The following NR1H2 variants were observed in gnomAD, a reference collection of about 807,000 sequenced individuals.
NR1H2 encodes oxysterols receptor LXR-beta.
NR1H2 carries 33 observed loss-of-function variants against 51.2 expected under a neutral mutation model. That is an observed-to-expected ratio of 0.64 (90% CI 0.49 to 0.86). NR1H2 has a LOEUF of 0.86. Ranked by LOEUF, NR1H2 falls within the 40% of genes least tolerant of loss-of-function variation. The pLI, the probability that NR1H2 is intolerant of heterozygous loss-of-function variation, is 0.00. For synonymous variants in NR1H2, 310 were observed against 264.3 expected, an observed-to-expected ratio of 1.17 and a Z score of -1.68; for missense variants, 592 against 639.9, an observed-to-expected ratio of 0.93 and a Z score of 0.81.
In NR1H2 at chr19:50,379,547, G is replaced by C. The variant is rs369361553; in HGVS notation, c.928-233G>C. On this transcript the variant is annotated intron_variant, in intron 7 of 9. Coordinates refer to ENST00000253727, the MANE Select transcript of NR1H2 (RefSeq NM_007121.7). ...CGTGCCCCAAACCTTGTGCTCACCT[G>C]GGGAAAGAGTATCCTAAGGAGATGG... is the stretch of plus-strand genomic sequence containing the variant. 5.1e-4 allele frequency among the ~76,000 whole-genome samples: 78 copies of C among 152,312 alleles called. 2 individuals are homozygous for C. The South Asian group carries it at 0.015, about 30-fold the overall frequency.
chr19:50,377,361 C>T (rs2037683418), intron 2 of NR1H2: 1 of 468,272 alleles, frequency 2.1e-6, no homozygotes, highest in South Asian at 3.7e-5. Flanking sequence ...GGGCCTACAG[C>T]AGGGGCGGGG....
At position 50,378,991 on chromosome 19, in the gene NR1H2, C is replaced by G. The variant is rs1310153408; in HGVS notation, c.748-11C>G. On this transcript the variant is annotated splice_polypyrimidine_tract_variant and intron_variant, in intron 6 of 9. Coordinates refer to ENST00000253727, the MANE Select transcript of NR1H2 (RefSeq NM_007121.7). ...AAGACCTGGGAGTGACCCTGGTCTCCTGTGTCCCAGCCCTGGCCCCTGGGC... is the reference window on the plus strand; with the variant it reads ...AAGACCTGGGAGTGACCCTGGTCTCGTGTGTCCCAGCCCTGGCCCCTGGGC... 3 of 1,600,516 alleles carry G rather than the reference C, an allele frequency of 1.9e-6. No homozygotes were observed. The highest frequency in any genetic ancestry group is 2.6e-6 in the Non-Finnish European group (3 of 1,173,912).
intron 8 of NR1H2, 25 bp from the exon 9 acceptor site, chr19:50,381,919 GCACGGTTTCGGGCTGAGGGAGT>G (rs2037772018): frequency 6.8e-7 from 1 of 1,481,088 alleles, no homozygotes; most frequent in African/African-American, 1.4e-5. Context: ...AGGATGTGGG[GCACGGTTTCGGGCTGAGGGAGT>G]CACGGGCTGC....
chr19:50,378,930 T>A, intron 6 of NR1H2, 72 bp from the exon 7 acceptor site: 1 of 1,553,190 alleles, frequency 6.4e-7, no homozygotes, highest in Middle Eastern at 1.8e-4. Context: ...GGGTGCAGGC[T>A]TGGCCTCAAG....
chr19:50,378,804 C>T lies in NR1H2; in HGVS notation c.747+8C>T, dbSNP rs201070800. On this transcript the variant is annotated splice_region_variant and intron_variant, in intron 6 of 9. Transcript: ENST00000253727. ...GACCAGCCCAAAGTCACGGTACTGC[C>T]CCCTCCACAACCTTGAGTGTGACGG... 14 of 1,606,392 alleles carry T rather than the reference C, an allele frequency of 8.7e-6. No homozygotes were observed. Among genetic ancestry groups the T allele is most frequent in the African/African-American group, 7.1e-5 (5 of 70,278 alleles).
intron 8 of NR1H2, among the ~76,000 whole-genome samples, 194 bp downstream of exon 8, chr19:50,380,073 C>T (rs2037741456): frequency 6.6e-6 from 1 of 152,212 alleles, no homozygotes; most frequent in Admixed American, 6.5e-5. Context: ...CCACTCGAGG[C>T]TGAGGAGGGC....
At position 50,378,512 on chromosome 19, in the gene NR1H2, C is replaced by A. The variant is rs759338336; in HGVS notation, c.473-10C>A. 3 of 1,597,748 alleles carry A rather than the reference C, an allele frequency of 1.9e-6. No homozygotes were observed. Among genetic ancestry groups the A allele is most frequent in the Admixed American group, 1.7e-5 (1 of 59,178 alleles). The stretch of plus-strand genomic sequence containing the variant: ...CCTGGGGTTCTGCTGAGGCCTGCAT[C>A]CCCCTACAGGCGTCCTTTCTGAAGA... On this transcript the variant is annotated splice_polypyrimidine_tract_variant and intron_variant, in intron 5 of 9. Transcript: ENST00000253727.
chr19:50,382,179 G>A lies in NR1H2; in HGVS notation c.1236+5G>A. The A allele has an allele frequency of 6.6e-7, 1 of 1,524,460 alleles. No individual in the cohort carries two copies. The highest frequency in any genetic ancestry group is 8.8e-7 in the Non-Finnish European group (1 of 1,139,898). 94.4% of individuals were successfully genotyped at this position (1,524,460 alleles called of 1,614,324 possible). A position where few individuals can be genotyped will look rare whatever the true frequency, so the allele number is the denominator to read the frequency against. Reference sequence around the variant, plus strand: ...ACGCGCATCAAGAGGCCGCAGGTAGGGCCCCGCAGAGCCTCTGCGCAGAGC... The same window carrying A: ...ACGCGCATCAAGAGGCCGCAGGTAGAGCCCCGCAGAGCCTCTGCGCAGAGC... On this transcript the variant is annotated splice_donor_5th_base_variant and intron_variant, in intron 9 of 9. Coordinates refer to ENST00000253727, the MANE Select transcript of NR1H2 (RefSeq NM_007121.7).
rs377206586 is a variant in NR1H2 at position 50,378,451 on chromosome 19, G to A, written c.472+12G>A. On this transcript the variant is annotated intron_variant, in intron 5 of 9. Transcript: ENST00000253727. ...GATGAGGGAGCAGTGTGAGTGCAGC[G>A]GGAGGGGGCGGTGCCGGCCTGGCCC... 92 of 1,583,354 alleles carry A rather than the reference G, an allele frequency of 5.8e-5. No homozygotes were observed. The highest frequency in any genetic ancestry group is 2.8e-4 in the African/African-American group (21 of 74,568).
intron 5 of NR1H2, 37 bp downstream of exon 5, chr19:50,378,476 C>G (rs2037707257): frequency 1.9e-6 from 3 of 1,575,426 alleles, no homozygotes; most frequent in Non-Finnish European, 2.6e-6. Flanking sequence ...CGGCCTGGCC[C>G]CCCGCCTAGC....
intron 8 of NR1H2, among the ~76,000 whole-genome samples, chr19:50,380,979 C>A (rs142926831): frequency 7.9e-4 from 121 of 152,324 alleles, no homozygotes; most frequent in Admixed American, 4.9e-3. Flanking sequence ...CCGCGGCTCC[C>A]GTCTCACTGG....
In NR1H2 at chr19:50,378,482, C is replaced by A. The variant is rs371711901; in HGVS notation, c.473-40C>A. 2.5e-6 allele frequency: 4 copies of A among 1,581,328 alleles called. No homozygotes were observed. The East Asian group carries it at 9.0e-5, about 36-fold the overall frequency. ...GGGCGGTGCCGGCCTGGCCCCCCGCCTAGCCCTGGGGTTCTGCTGAGGCCT... is the reference window on the plus strand; with the variant it reads ...GGGCGGTGCCGGCCTGGCCCCCCGCATAGCCCTGGGGTTCTGCTGAGGCCT... On this transcript the variant is annotated intron_variant, in intron 5 of 9. Coordinates refer to ENST00000253727, the MANE Select transcript of NR1H2 (RefSeq NM_007121.7).
rs114718888 is a variant in NR1H2, at chr19:50,379,766, G to A, written c.928-14G>A. 1,097 of 1,588,912 alleles carry A rather than the reference G, an allele frequency of 6.9e-4. 9 individuals are homozygous for A. In the African/African-American group the frequency reaches 0.013, roughly 19 times the overall value. On this transcript the variant is annotated splice_polypyrimidine_tract_variant and intron_variant, in intron 7 of 9. Coordinates refer to ENST00000253727, the MANE Select transcript of NR1H2 (RefSeq NM_007121.7). The stretch of plus-strand genomic sequence containing the variant: ...TCACAGGGCTCAAGCTCCCCCTCCC[G>A]CTGCCGCCCTTAGATCATGCTGCTA...
intron 4 of NR1H2, 76 bp downstream of exon 4, chr19:50,377,946 T>A: frequency 6.8e-7 from 1 of 1,478,618 alleles, no homozygotes; most frequent in East Asian, 2.3e-5. Flanking sequence ...GAAATGGGAA[T>A]GGGAGGCCCT....
At chr19:50,376,610 G>C (rs1328323112) in intron 1 of NR1H2, 34 bp downstream of exon 1, 3 of 152,308 alleles carry the variant, frequency 2.0e-5, no homozygotes, top group African/African-American at 7.2e-5. Context: ...GACGCAGGAG[G>C]AGCCCCGAAC....
chr19:50,379,695 T>G, intron 7 of NR1H2, 85 bp from the exon 8 acceptor site: 1 of 822,886 alleles, frequency 1.2e-6, no homozygotes, highest in Non-Finnish European at 2.1e-6. Flanking sequence ...CTGGTGAGAT[T>G]AGACCCCCAT....
chr19:50,380,167 A>C (rs1157801843), intron 8 of NR1H2, among the ~76,000 whole-genome samples: 1 of 152,092 alleles, frequency 6.6e-6, no homozygotes, highest in East Asian at 1.9e-4. Flanking sequence ...CTATTTTTTA[A>C]AAAAAGCATG....
At position 50,382,067 on chromosome 19, in the gene NR1H2, A is replaced by G. The variant is rs1568596891; in HGVS notation, c.1129A>G (p.Ile377Val). ...AEYALLIAIN[I>V]FSADRPNVQE... ...GTACGCCCTGCTCATCGCCATCAAC[A>G]TCTTCTCGGCCGACCGGCCCAACGT... The change falls in exon 9 of 10, where the codon ATC becomes GTC. Residue 377 changes from isoleucine to valine, a missense_variant. Physicochemically the swap from Ile to Val is conservative, Grantham distance 29 (BLOSUM62 3). This residue lies in a region of NR1H2 where 174 missense variants were observed against 174.0 expected (regional missense o/e 1.00). Transcript: ENST00000253727. 1.3e-6 allele frequency: 2 copies of G among 1,555,550 alleles called. No homozygotes were observed. The highest frequency in any genetic ancestry group is 1.9e-5 in the Admixed American group (1 of 51,966).
chr19:50,381,729 A>G (rs2037768608), intron 8 of NR1H2, among the ~76,000 whole-genome samples: 1 of 152,240 alleles, frequency 6.6e-6, no homozygotes, highest in African/African-American at 2.4e-5. Flanking sequence ...TGGTGATAGG[A>G]TAGTAGAAAA....
Sources: gnomAD v4.1 joint callset for allele counts (sites outside exome capture counted in the v4.1 genomes callset) on GRCh38, gnomAD v4.1.1 for gene constraint, gnomAD v4.1.1 regional missense constraint, MANE v1.5 for transcripts, NCBI Gene and HGNC (gene_info 2026-07-23, HGNC 2026-07-21) for gene names.